The following CUL1 variants were observed in gnomAD, a reference collection of about 807,000 sequenced individuals.
CUL1 encodes the protein cullin 1.
A neutral mutation model predicts 118.0 loss-of-function variants in CUL1; 24 were observed. That is an observed-to-expected ratio of 0.20 (90% CI 0.15 to 0.29). CUL1 has a LOEUF of 0.29. Among genes scored for constraint, CUL1 ranks in the 10% least tolerant of loss-of-function variants. CUL1 has a pLI of 1.00. For synonymous variants in CUL1, 332 were observed against 340.4 expected (o/e 0.98, Z 0.27); for missense variants, 361 against 933.8 (o/e 0.39, Z 7.99).
chr7:148,760,874 A>C (rs1799805127), intron 7 of CUL1, among the ~76,000 whole-genome samples: 2 of 152,196 alleles, frequency 1.3e-5, no homozygotes, highest in African/African-American at 4.8e-5. Context: ...TATCCCTAAG[A>C]ATCTATTACA....
chr7:148,800,670 C>A lies in CUL1; in HGVS notation c.*88C>A. On this transcript the variant is annotated 3_prime_UTR_variant, in exon 22 of 22. Transcript: ENST00000325222. The surrounding 1 kb of genome is among the most constrained non-coding windows in gnomAD (Gnocchi z 4.6). Reference sequence around the variant, plus strand: ...ACAACTCAAGTTCATAGCAGCCAGCCTGCCGCCATTGGACCTCCCTTTTAA... The same window carrying A: ...ACAACTCAAGTTCATAGCAGCCAGCATGCCGCCATTGGACCTCCCTTTTAA... 9.3e-7 allele frequency: 1 copy of A among 1,078,638 alleles called. No homozygotes were observed. Among genetic ancestry groups the A allele is most frequent in the Non-Finnish European group, 1.4e-6 (1 of 718,990 alleles). The allele number at this position is 1,078,638 out of a possible 1,614,324, so 66.8% of individuals were successfully genotyped here. A position where few individuals can be genotyped will look rare whatever the true frequency, so the allele number is the denominator to read the frequency against.
intron 7 of CUL1, 112 bp from the exon 8 acceptor site, chr7:148,766,449 G>T (rs151214945): frequency 2.5e-4 from 226 of 896,272 alleles, no homozygotes; most frequent in Non-Finnish European, 3.6e-4. Flanking sequence ...ATTAGAGCTG[G>T]CATGTGAATT....
At chr7:148,713,557 A>G (rs1420920744) in intron 1 of CUL1, among the ~76,000 whole-genome samples, 1 of 152,230 alleles carries the variant, frequency 6.6e-6, no homozygotes, top group Non-Finnish European at 1.5e-5. Flanking sequence ...TTCCTCTATT[A>G]CTTATTCAAG....
At chr7:148,748,040 G>A (rs975204842) in intron 2 of CUL1, among the ~76,000 whole-genome samples, 2 of 152,006 alleles carry the variant, frequency 1.3e-5, no homozygotes, top group Non-Finnish European at 2.9e-5. Context: ...CATATTTTAA[G>A]GTAATTAACC....
intron 2 of CUL1, among the ~76,000 whole-genome samples, chr7:148,751,138 G>A (rs1799477333): frequency 6.6e-6 from 1 of 152,094 alleles, no homozygotes; most frequent in Non-Finnish European, 1.5e-5. Context: ...CACTAAGTTG[G>A]CAACTCTTAA....
chr7:148,790,473 T>C, intron 16 of CUL1, 32 bp downstream of exon 16: 7 of 1,587,568 alleles, frequency 4.4e-6, no homozygotes, highest in Non-Finnish European at 6.0e-6. Flanking sequence ...AAAATTTTTC[T>C]ATTCTAAATG....
chr7:148,761,425 C>T (rs919776133), intron 7 of CUL1, among the ~76,000 whole-genome samples: 2 of 152,168 alleles, frequency 1.3e-5, no homozygotes, highest in African/African-American at 2.4e-5. Context: ...GCAGGAGAAT[C>T]GCTTGAACCT....
chr7:148,726,074 T>G (rs1324603740), intron 1 of CUL1, among the ~76,000 whole-genome samples: 1 of 152,218 alleles, frequency 6.6e-6, no homozygotes, highest in Non-Finnish European at 1.5e-5. Flanking sequence ...ACACAAAAAG[T>G]GTACAGCAAG....
At chr7:148,737,455 A>G (rs1286847511) in intron 2 of CUL1, among the ~76,000 whole-genome samples, 2 of 151,900 alleles carry the variant, frequency 1.3e-5, no homozygotes, top group Non-Finnish European at 2.9e-5. Flanking sequence ...TTATAACTAC[A>G]GACGGATTAT....
At chr7:148,765,623 T>A (rs529391689) in intron 7 of CUL1, among the ~76,000 whole-genome samples, 11 of 152,270 alleles carry the variant, frequency 7.2e-5, no homozygotes, top group African/African-American at 2.4e-4. Flanking sequence ...AGAGCCAAGA[T>A]CCTGTCTCTG....
intron 2 of CUL1, among the ~76,000 whole-genome samples, chr7:148,752,509 A>G (rs1318223122): frequency 6.6e-6 from 1 of 152,084 alleles, no homozygotes; most frequent in Non-Finnish European, 1.5e-5. Context: ...GGGCATTAGT[A>G]TATATTTATT....
chr7:148,756,220 CAA>C (rs1323743081), intron 3 of CUL1, among the ~76,000 whole-genome samples: 1 of 151,798 alleles, frequency 6.6e-6, no homozygotes, highest in African/African-American at 2.4e-5. Flanking sequence ...CAGATCACCA[CAA>C]AAAAGTGTTT....
intron 2 of CUL1, among the ~76,000 whole-genome samples, chr7:148,744,574 G>T (rs1052729801): frequency 2.6e-5 from 4 of 152,008 alleles, no homozygotes; most frequent in African/African-American, 9.6e-5. Flanking sequence ...TTTACTACTC[G>T]TATCGCTCTC....
At chr7:148,760,557 T>C in intron 7 of CUL1, 61 bp downstream of exon 7, 1 of 1,225,700 alleles carries the variant, frequency 8.2e-7, no homozygotes, top group South Asian at 1.7e-5. Flanking sequence ...CTCAAGTGAG[T>C]TCTTTTTAGC....
At chr7:148,781,298 G>A (rs186129794) in intron 9 of CUL1, among the ~76,000 whole-genome samples, 254 of 152,082 alleles carry the variant, frequency 1.7e-3, no homozygotes, top group Admixed American at 3.6e-3. Context: ...GGCCAGGCTG[G>A]TCTAGAACTC....
At chr7:148,767,044 C>T (rs1329898933) in intron 8 of CUL1, among the ~76,000 whole-genome samples, 1 of 152,126 alleles carries the variant, frequency 6.6e-6, no homozygotes, top group East Asian at 1.9e-4. Flanking sequence ...TTCCCTTAAC[C>T]ACTCCCATGT....
intron 3 of CUL1, 54 bp downstream of exon 3, chr7:148,754,204 AAAT>A: frequency 8.5e-7 from 1 of 1,171,470 alleles, no homozygotes; most frequent in Non-Finnish European, 1.2e-6. Context: ...AAAAAAAGTG[AAAT>A]AATGGTTCTA....
intron 9 of CUL1, among the ~76,000 whole-genome samples, chr7:148,768,234 A>G (rs1222069945): frequency 6.6e-6 from 1 of 151,814 alleles, no homozygotes; most frequent in African/African-American, 2.4e-5. Flanking sequence ...CTGCTAGGTC[A>G]TCTGTAATTC....
chr7:148,778,027 C>G (rs973664568), intron 9 of CUL1, among the ~76,000 whole-genome samples: 2 of 135,570 alleles, frequency 1.5e-5, no homozygotes, highest in African/African-American at 5.6e-5. Flanking sequence ...CATGCCACTG[C>G]ACTCCTGCAC....
Sources: gnomAD v4.1 joint callset for allele counts (sites outside exome capture counted in the v4.1 genomes callset) on GRCh38, gnomAD v4.1.1 for gene constraint, Gnocchi (gnomAD v3.1) non-coding constraint, MANE v1.5 for transcripts, NCBI Gene and HGNC (gene_info 2026-07-23, HGNC 2026-07-21) for gene names.